Variants in LIFR observed in about 807,000 individuals in gnomAD.
LIFR encodes the protein LIF receptor subunit alpha, also known as leukemia inhibitory factor receptor.
LIFR carries 84 observed loss-of-function variants against 122.2 expected under a neutral mutation model. The observed-to-expected ratio is 0.69, with a 90% CI of 0.58 to 0.82. LIFR has a LOEUF of 0.82. LIFR is among the 40% of genes least tolerant of loss of function. The pLI, the probability that LIFR is intolerant of heterozygous loss-of-function variation, is 0.00. For missense variants in LIFR, 1,294 were observed against 1,311.6 expected (o/e 0.99, Z 0.21); for synonymous variants, 422 against 434.7 (o/e 0.97, Z 0.36).
At chr5:38,608,019 C>A (rs1750367003) in intron 1 of LIFR, 1 of 152,114 alleles carries the variant, frequency 6.6e-6, no homozygotes, top group Non-Finnish European at 1.5e-5. Flanking sequence ...TAGGCACTTA[C>A]AAACATTTTA....
intron 1 of LIFR, among the ~76,000 whole-genome samples, chr5:38,576,692 T>A (rs1198230724): frequency 6.6e-6 from 1 of 152,228 alleles, no homozygotes; most frequent in Admixed American, 6.5e-5. Context: ...AGACAGTTTC[T>A]TTGGCAGGTA....
intron 1 of LIFR, among the ~76,000 whole-genome samples, chr5:38,539,681 G>T (rs1231804630): frequency 1.3e-5 from 2 of 151,582 alleles, no homozygotes; most frequent in Non-Finnish European, 1.5e-5. Flanking sequence ...TTTTTTGGGG[G>T]GGGTAATACA....
chr5:38,555,045 G>A (rs1051159936), intron 1 of LIFR: 3 of 152,136 alleles, frequency 2.0e-5, no homozygotes, highest in African/African-American at 7.2e-5. Context: ...TTCTTGAAGA[G>A]GAAATAGCTG....
chr5:38,528,791 G>T lies in LIFR; in HGVS notation c.192C>A (p.Asn64Lys). The stretch of plus-strand genomic sequence containing the variant: ...TTCCAGAGGGTGCTTTCCAAGAACA[G>T]TTCCACACTTGCAAATTGTTAGTTA... ...KCVTNNLQVWNCSWKAPSGTG... is the reference protein window; with the variant it reads ...KCVTNNLQVWKCSWKAPSGTG... Residue 64 changes from asparagine to lysine, a missense_variant, in exon 3 of 20, where the codon AAC becomes AAA. Transcript: ENST00000453190. 2 of 1,595,028 alleles carry T rather than the reference G, an allele frequency of 1.3e-6. No homozygotes were observed. The highest frequency in any genetic ancestry group is 1.7e-6 in the Non-Finnish European group (2 of 1,169,264).
intron 1 of LIFR, among the ~76,000 whole-genome samples, chr5:38,545,871 G>GAA (rs371497950): frequency 4.6e-5 from 4 of 87,758 alleles, no homozygotes; most frequent in African/African-American, 1.6e-4. Context: ...CAAAAAAAAA[G>GAA]AAAAAAAAAA....
At chr5:38,483,389 T>C (rs1415895382) in intron 18 of LIFR, among the ~76,000 whole-genome samples, 1 of 152,206 alleles carries the variant, frequency 6.6e-6, no homozygotes, top group Non-Finnish European at 1.5e-5. Flanking sequence ...GTCTTTTTTT[T>C]CTTTTTTTGG....
chr5:38,607,564 A>G (rs948079681), intron 1 of LIFR: 1 of 151,786 alleles, frequency 6.6e-6, no homozygotes, highest in Non-Finnish European at 1.5e-5. Flanking sequence ...CCTTTCTCGA[A>G]CCCTATTGAA....
chr5:38,498,590 C>A (rs539915458), intron 12 of LIFR, among the ~76,000 whole-genome samples: 6 of 152,046 alleles, frequency 3.9e-5, no homozygotes, highest in Admixed American at 3.9e-4. Flanking sequence ...TGGCAAATGG[C>A]GGCACCATCA....
chr5:38,511,075 G>C (rs1179526314), intron 6 of LIFR, among the ~76,000 whole-genome samples: 2 of 152,082 alleles, frequency 1.3e-5, no homozygotes, highest in African/African-American at 4.8e-5. Context: ...ATATACATGT[G>C]AACAATCCAC....
chr5:38,490,548 A>G, intron 14 of LIFR: 1 of 207,842 alleles, frequency 4.8e-6, no homozygotes, highest in Admixed American at 5.8e-5. Context: ...AACAACGATG[A>G]TTTAAGGCTT....
intron 1 of LIFR, among the ~76,000 whole-genome samples, chr5:38,549,289 T>C (rs1748069112): frequency 7.0e-6 from 1 of 142,002 alleles, no homozygotes; most frequent in African/African-American, 2.7e-5. Context: ...ACACACACAC[T>C]CCATAAGCAA....
rs548850046 is a variant in LIFR at position 38,542,497 on chromosome 5, A to G, written c.-19-11831T>C. On this transcript the variant is annotated intron_variant, in intron 1 of 19. Transcript: ENST00000453190. ...CTTTCCCTCAGCCTGCACAAAGGCA[A>G]TGCTTCTAACCGGTCTCAGGACTTC... 7.9e-5 allele frequency among the ~76,000 whole-genome samples: 12 copies of G among 152,234 alleles called. 1 individual carries two copies.
chr5:38,501,624 G>C (rs1019900806), intron 11 of LIFR, among the ~76,000 whole-genome samples: 4 of 151,696 alleles, frequency 2.6e-5, no homozygotes, highest in African/African-American at 4.8e-5. Flanking sequence ...TGGTGGTGGG[G>C]CCCCTACTTG....
chr5:38,489,282 T>G (rs772705449), intron 15 of LIFR, 37 bp from the exon 16 acceptor site: 30 of 1,501,718 alleles, frequency 2.0e-5, no homozygotes, highest in Middle Eastern at 1.7e-4. Flanking sequence ...AAGGGGAGTG[T>G]ATGAATACAG....
intron 4 of LIFR, among the ~76,000 whole-genome samples, chr5:38,525,101 A>C (rs550352400): frequency 2.0e-5 from 3 of 152,194 alleles, no homozygotes; most frequent in Non-Finnish European, 2.9e-5. Context: ...CAGGACACTA[A>C]AAAAGGTAGC....
chr5:38,532,805 A>T (rs569750674), intron 1 of LIFR, among the ~76,000 whole-genome samples: 1 of 152,226 alleles, frequency 6.6e-6, no homozygotes, highest in Non-Finnish European at 1.5e-5. Context: ...TCAGAAAAAA[A>T]GTGATGCTTG....
At chr5:38,550,414 T>C (rs960547723) in intron 1 of LIFR, among the ~76,000 whole-genome samples, 4 of 152,228 alleles carry the variant, frequency 2.6e-5, no homozygotes, top group Admixed American at 1.3e-4. Flanking sequence ...CTTAACAGAA[T>C]GGCTTTAGAA....
intron 12 of LIFR, among the ~76,000 whole-genome samples, chr5:38,497,035 C>A (rs1217665926): frequency 1.3e-5 from 2 of 151,988 alleles, no homozygotes; most frequent in Non-Finnish European, 2.9e-5. Flanking sequence ...TGGCCAAGTG[C>A]GCCTATAATC....
intron 5 of LIFR, among the ~76,000 whole-genome samples, chr5:38,521,426 C>T (rs909559011): frequency 3.3e-5 from 5 of 152,098 alleles, no homozygotes; most frequent in Non-Finnish European, 5.9e-5. Flanking sequence ...CTCTCTTGCC[C>T]GACTGCTCTG....
Sources: gnomAD v4.1 joint callset for allele counts (sites outside exome capture counted in the v4.1 genomes callset) on GRCh38, gnomAD v4.1.1 for gene constraint, MANE v1.5 for transcripts, NCBI Gene and HGNC (gene_info 2026-07-23, HGNC 2026-07-21) for gene names.